The following CMTM8 variants were observed in gnomAD, a reference collection of about 807,000 sequenced individuals.
CMTM8 encodes CKLF-like MARVEL transmembrane domain-containing protein 8.
Under a neutral mutation model 18.6 loss-of-function variants are expected in CMTM8, and 12 were observed. The ratio of observed to expected loss-of-function variants is 0.65; its 90% CI spans 0.41 to 1.05. The LOEUF (loss-of-function observed/expected upper bound fraction) is 1.05, where lower values mean the gene tolerates loss of function less well. Among genes scored for constraint, CMTM8 ranks in the 50% least tolerant of loss-of-function variants. The pLI, the probability that CMTM8 is intolerant of heterozygous loss-of-function variation, is 0.00. For missense variants in CMTM8, 217 were observed against 227.2 expected, an observed-to-expected ratio of 0.95 and a Z score of 0.29; for synonymous variants, 87 against 90.6, an observed-to-expected ratio of 0.96 and a Z score of 0.23.
intron 1 of CMTM8, among the ~76,000 whole-genome samples, chr3:32,276,123 C>A (rs1229903412): frequency 6.6e-6 from 1 of 152,114 alleles, no homozygotes; most frequent in Non-Finnish European, 1.5e-5. Context: ...TTAGAGAATG[C>A]AGACCGACCT....
rs547448806 is a variant in CMTM8 at position 32,323,191 on chromosome 3, G to A, written c.148-34182G>A. On this transcript the variant is annotated intron_variant, in intron 1 of 3. Coordinates refer to ENST00000307526, the MANE Select transcript of CMTM8 (RefSeq NM_178868.5). Reference sequence around the variant, plus strand: ...AGCTCCTGAGGCCAGCCTGGCTGGGGGCAGGAAGGATGGGGACAGCTGGAC... The same window carrying A: ...AGCTCCTGAGGCCAGCCTGGCTGGGAGCAGGAAGGATGGGGACAGCTGGAC... Among the ~76,000 whole-genome samples the A allele has an allele frequency of 5.3e-5, 8 of 152,262 alleles. No homozygotes were observed. The East Asian group carries it at 1.5e-3, about 29-fold the overall frequency.
At chr3:32,261,151 G>A (rs1289388145) in intron 1 of CMTM8, among the ~76,000 whole-genome samples, 1 of 148,914 alleles carries the variant, frequency 6.7e-6, no homozygotes, top group Non-Finnish European at 1.5e-5. Flanking sequence ...GGGCGACAGA[G>A]TGAGACTGTG....
At chr3:32,317,644 G>A (rs932406109) in intron 1 of CMTM8, among the ~76,000 whole-genome samples, 1 of 152,154 alleles carries the variant, frequency 6.6e-6, no homozygotes, top group Non-Finnish European at 1.5e-5. Context: ...GTGTAAAGGT[G>A]ATAGTATGCA....
At chr3:32,340,242 G>A (rs761129782) in intron 1 of CMTM8, among the ~76,000 whole-genome samples, 16 of 152,140 alleles carry the variant, frequency 1.1e-4, no homozygotes, top group African/African-American at 2.4e-4. Context: ...AACAGGGTCC[G>A]GTTGTATCAC....
chr3:32,249,335 T>G lies in CMTM8; in HGVS notation c.147+10216T>G, dbSNP rs543127821. ...GTCCCAGCTACTCAGGAGGCTGAAG[T>G]GGGGGGATCACTTGAGCCAGGGAAG... is the stretch of plus-strand genomic sequence containing the variant. On this transcript the variant is annotated intron_variant, in intron 1 of 3. Transcript: ENST00000307526. Among the ~76,000 whole-genome samples the G allele has an allele frequency of 1.5e-3, 224 of 149,900 alleles. 1 individual carries two copies. Among genetic ancestry groups the G allele is most frequent in the African/African-American group, 5.3e-3 (215 of 40,688 alleles).
intron 1 of CMTM8, among the ~76,000 whole-genome samples, chr3:32,245,739 A>T (rs1702003001): frequency 6.6e-6 from 1 of 152,254 alleles, no homozygotes; most frequent in African/African-American, 2.4e-5. Flanking sequence ...TTTAAAAAAT[A>T]GTGAACATAG....
intron 1 of CMTM8, among the ~76,000 whole-genome samples, chr3:32,257,137 C>T (rs60797058): frequency 0.042 from 6,367 of 152,192 alleles, 463 homozygotes; most frequent in East Asian, 0.32. Flanking sequence ...CCACTATGCC[C>T]GGCTAATTTG....
At chr3:32,263,106 G>A (rs955953937) in intron 1 of CMTM8, among the ~76,000 whole-genome samples, 17 of 151,732 alleles carry the variant, frequency 1.1e-4, no homozygotes, top group East Asian at 3.8e-4. Flanking sequence ...AGACAGTAGC[G>A]GTTCTCTCAG....
At chr3:32,273,888 T>C (rs894997141) in intron 1 of CMTM8, among the ~76,000 whole-genome samples, 1 of 152,150 alleles carries the variant, frequency 6.6e-6, no homozygotes, top group Non-Finnish European at 1.5e-5. Context: ...AGCTTAAGAG[T>C]CCTCAAGGTT....
intron 1 of CMTM8, among the ~76,000 whole-genome samples, chr3:32,281,539 T>TAAC (rs1444742991): frequency 6.6e-6 from 1 of 152,228 alleles, no homozygotes; most frequent in Non-Finnish European, 1.5e-5. Flanking sequence ...TTGAAAACTG[T>TAAC]AACATATCTT....
At chr3:32,262,760 T>C (rs956154870) in intron 1 of CMTM8, among the ~76,000 whole-genome samples, 2 of 152,232 alleles carry the variant, frequency 1.3e-5, no homozygotes, top group Non-Finnish European at 2.9e-5. Flanking sequence ...CTTGGGTTAC[T>C]GTAGGCTTAT....
In CMTM8 at chr3:32,267,260, C is replaced by T. The variant is rs1413939794; in HGVS notation, c.147+28141C>T. ...ACTGGTACCAAAACAGAGATATAGA[C>T]CAATGGAACAGAACAGAGCCCTCAG... On this transcript the variant is annotated intron_variant, in intron 1 of 3. Transcript: ENST00000307526. Among the ~76,000 whole-genome samples, 3 of 152,212 alleles carry T rather than the reference C, an allele frequency of 2.0e-5. No individual in the cohort carries two copies. The South Asian group carries it at 6.2e-4, about 32-fold the overall frequency.
intron 2 of CMTM8, among the ~76,000 whole-genome samples, chr3:32,367,395 C>A (rs1432688439): frequency 1.3e-5 from 2 of 152,206 alleles, no homozygotes; most frequent in Non-Finnish European, 2.9e-5. Flanking sequence ...TTTAAATATC[C>A]CTCCCTGTTT....
intron 2 of CMTM8, among the ~76,000 whole-genome samples, chr3:32,366,242 C>G (rs987887613): frequency 2.0e-5 from 3 of 152,188 alleles, no homozygotes; most frequent in African/African-American, 7.2e-5. Context: ...AACCCTCTTC[C>G]CCTTCCCCAT....
chr3:32,321,658 T>G (rs1315597541), intron 1 of CMTM8, among the ~76,000 whole-genome samples: 1 of 152,188 alleles, frequency 6.6e-6, no homozygotes, highest in Non-Finnish European at 1.5e-5. Context: ...ATTACAGTGG[T>G]GCAATCATGG....
intron 1 of CMTM8, among the ~76,000 whole-genome samples, chr3:32,239,781 C>T (rs1055653562): frequency 6.6e-6 from 1 of 152,170 alleles, no homozygotes; most frequent in Non-Finnish European, 1.5e-5. Context: ...GCCAGTCCTT[C>T]ATAGCTGAGA....
chr3:32,250,290 T>C (rs1460323870), intron 1 of CMTM8, among the ~76,000 whole-genome samples: 1 of 152,274 alleles, frequency 6.6e-6, no homozygotes, highest in Non-Finnish European at 1.5e-5. Flanking sequence ...TAGTAAGTTT[T>C]GAAATTCAAA....
intron 1 of CMTM8, among the ~76,000 whole-genome samples, chr3:32,354,450 G>T (rs1338232295): frequency 6.6e-6 from 1 of 152,196 alleles, no homozygotes; most frequent in Non-Finnish European, 1.5e-5. Context: ...TTGAAAGACG[G>T]CTCAGTTAAC....
intron 1 of CMTM8, among the ~76,000 whole-genome samples, chr3:32,338,533 G>A (rs1696431918): frequency 6.6e-6 from 1 of 152,152 alleles, no homozygotes; most frequent in African/African-American, 2.4e-5. Context: ...TTAAGACCCT[G>A]CAGCAACCTA....
Sources: allele counts gnomAD v4.1 joint callset (sites outside exome capture counted in the v4.1 genomes callset), GRCh38; gene constraint gnomAD v4.1.1; transcripts MANE v1.5; gene names NCBI Gene and HGNC (gene_info 2026-07-23, HGNC 2026-07-21).